The following CROCC variants were observed in gnomAD, a reference collection of about 807,000 sequenced individuals.
The protein encoded by CROCC is rootletin.
Under a neutral mutation model 245.2 loss-of-function variants are expected in CROCC, and 180 were observed. The ratio of observed to expected loss-of-function variants is 0.73; its 90% confidence interval spans 0.65 to 0.83. CROCC has a LOEUF of 0.83. Ranked by LOEUF, CROCC falls within the 40% of genes least tolerant of loss-of-function variation. The pLI is 0.00. For missense variants in CROCC, 2,688 were observed against 2,779.4 expected (o/e 0.97, Z 0.74); for synonymous variants, 1,205 against 1,241.6 (o/e 0.97, Z 0.62).
In CROCC at chr1:16,969,242, C is replaced by G. The variant is rs2076471336; in HGVS notation, c.5203C>G (p.Leu1735Val). ...RDKVRGLTEA[L>V]AQSSASLNST... ...CAAGGTGCGGGGCCTGACAGAGGCC[C>G]TGGCCCAGAGCAGTGCCAGCCTCAA... is the stretch of plus-strand genomic sequence containing the variant. The change falls in exon 32 of 37, where the codon CTG becomes GTG. Residue 1735 changes from leucine to valine, a missense_variant. Leu to Val is a conservative substitution (Grantham distance 32). Around this residue, in one of 9 missense-constraint regions of CROCC, gnomAD observed 1,218 missense variants for 1,286.3 expected, o/e 0.95. Coordinates refer to ENST00000375541, the MANE Select transcript of CROCC (RefSeq NM_014675.5). 7 of 1,613,382 alleles carry G rather than the reference C, an allele frequency of 4.3e-6. No homozygotes were observed. The Admixed American group carries it at 8.3e-5, about 19-fold the overall frequency.
intron 35 of CROCC, 92 bp from the exon 36 acceptor site, chr1:16,971,373 G>A (rs1041883867): frequency 7.0e-7 from 1 of 1,438,594 alleles, no homozygotes; most frequent in African/African-American, 1.4e-5. Flanking sequence ...CTCTGCACTG[G>A]CCGTGTCCCA....
rs199842653 is a variant in CROCC at position 16,972,489 on chromosome 1, G to C, written c.*43G>C. The C allele has an allele frequency of 2.1e-3, 3,043 of 1,462,846 alleles. 8 individuals carry two copies. The highest frequency in any genetic ancestry group is 5.5e-3 in the Middle Eastern group (30 of 5,444). The allele number at this position is 1,462,846 out of a possible 1,614,324, so 90.6% of individuals were successfully genotyped here. On this transcript the variant is annotated 3_prime_UTR_variant, in exon 37 of 37. Transcript: ENST00000375541. Reference sequence around the variant, plus strand: ...GAGAACACCCCTGTGCCTGGGACAGGGGAGGACCCTTCTTTTGGACAGCCC... The same window carrying C: ...GAGAACACCCCTGTGCCTGGGACAGCGGAGGACCCTTCTTTTGGACAGCCC...
rs1437923995 is a variant in CROCC at position 16,954,836 on chromosome 1, G to T, written c.3424G>T (p.Ala1142Ser). The change falls in exon 23 of 37, where the codon GCC becomes TCC. Residue 1142 changes from alanine (A) to serine (S), a missense_variant. By Grantham distance (99) the Ala-to-Ser change is moderately conservative. Transcript: ENST00000375541. This position sits in a 1 kb window ranked among gnomAD's most constrained non-coding sequence, Gnocchi z 4.4. ...GGAGGTGAGGAGGCTGCAAGAGCAG[G>T]CCCGAGACCTGGGCAAGCAGCGGGA... is the stretch of plus-strand genomic sequence containing the variant. ...AQEVRRLQEQ[A>S]RDLGKQRDSC... 7.1e-6 allele frequency: 11 copies of T among 1,546,920 alleles called. No homozygotes were observed. The highest frequency in any genetic ancestry group is 2.7e-5 in the African/African-American group (2 of 73,070).
chr1:16,918,565 G>A (rs189073900), upstream of CROCC, among the ~76,000 whole-genome samples: 22 of 152,300 alleles, frequency 1.4e-4, no homozygotes, highest in African/African-American at 4.1e-4. Context: ...CTGCTGAGCT[G>A]GGCATGCAGG....
chr1:16,921,743 T>C (rs1410032429), upstream of CROCC, among the ~76,000 whole-genome samples: 4 of 152,162 alleles, frequency 2.6e-5, no homozygotes, highest in African/African-American at 9.6e-5. Flanking sequence ...TTCTCTCTCC[T>C]CCCTCCTTTT....
intron 26 of CROCC, 101 bp from the exon 27 acceptor site, chr1:16,960,657 G>A: frequency 7.5e-7 from 1 of 1,341,536 alleles, no homozygotes; most frequent in Non-Finnish European, 9.6e-7. Context: ...GGGTTGTACT[G>A]ACCACACAGT....
At position 16,971,523 on chromosome 1, in the gene CROCC, AGCAGCAGCAGCTGGAGCT is replaced by A; in HGVS notation, c.5851_5868del (p.Gln1951_Gln1956del). On this transcript the variant is annotated inframe_deletion, in exon 36 of 37. Transcript: ENST00000375541. ...CCGGCCCAGCTGGAGGTGGATGCGCAGCAGCAGCAGCTGGAGCTGCAGCAGGAGGTGGAGCGGCTGCGC... is the reference window on the plus strand; with the variant it reads ...CCGGCCCAGCTGGAGGTGGATGCGCAGCAGCAGGAGGTGGAGCGGCTGCGC... The A allele has an allele frequency of 6.5e-7, 1 of 1,533,100 alleles. No homozygotes were observed. Among genetic ancestry groups the A allele is most frequent in the Non-Finnish European group, 8.7e-7 (1 of 1,144,086 alleles). 95.0% of individuals were successfully genotyped at this position (1,533,100 alleles called of 1,614,324 possible). A position where few individuals can be genotyped will look rare whatever the true frequency, so the allele number is the denominator to read the frequency against.
chr1:16,946,921 A>T lies in CROCC; in HGVS notation c.2444A>T (p.Gln815Leu). ...EGSLRVAEQA[Q>L]EALEQQLPTL... ...TCCCTACGAGTGGCGGAGCAGGCCC[A>T]GGAGGCATTGGAGCAGCAGCTCCCC... is the stretch of plus-strand genomic sequence containing the variant. Residue 815 changes from glutamine (Q) to leucine (L), a missense_variant, in exon 17 of 37, where the codon CAG becomes CTG. By Grantham distance (113) the Gln-to-Leu change is moderately radical. Coordinates refer to ENST00000375541, the MANE Select transcript of CROCC (RefSeq NM_014675.5). 1 of 1,563,844 alleles carries T rather than the reference A, an allele frequency of 6.4e-7. No homozygotes were observed. Among genetic ancestry groups the T allele is most frequent in the Non-Finnish European group, 8.7e-7 (1 of 1,154,710 alleles).
chr1:16,939,912 G>A lies in CROCC; in HGVS notation c.1627G>A (p.Glu543Lys). The A allele has an allele frequency of 6.2e-7, 1 of 1,612,388 alleles. No homozygotes were observed. Among genetic ancestry groups the A allele is most frequent in the Non-Finnish European group, 8.5e-7 (1 of 1,179,798 alleles). Reference sequence around the variant, plus strand: ...ACCCCAGGACATGCGTGGGCGCTATGAGGCAAGCCAGGACCTACTGGGCAC... The same window carrying A: ...ACCCCAGGACATGCGTGGGCGCTATAAGGCAAGCCAGGACCTACTGGGCAC... ...LQVQDMRGRY[E>K]ASQDLLGTLR... The change falls in exon 13 of 37, where the codon GAG becomes AAG. Residue 543 changes from glutamate (E) to lysine (K), a missense_variant. Transcript: ENST00000375541.
chr1:16,919,875 C>T (rs1480492168), upstream of CROCC, among the ~76,000 whole-genome samples: 3 of 152,244 alleles, frequency 2.0e-5, no homozygotes, highest in East Asian at 1.9e-4. Flanking sequence ...TCACCACACT[C>T]GGTCTAGTCT....
intron 30 of CROCC, among the ~76,000 whole-genome samples, chr1:16,967,372 A>G (rs1397714123): frequency 6.6e-6 from 1 of 152,022 alleles, no homozygotes; most frequent in Non-Finnish European, 1.5e-5. Context: ...CTGTCCCTCT[A>G]TTACTGCTTC....
upstream of CROCC, among the ~76,000 whole-genome samples, chr1:16,919,096 T>C (rs2075350529): frequency 1.3e-5 from 2 of 152,296 alleles, no homozygotes; most frequent in Non-Finnish European, 2.9e-5. Flanking sequence ...GCAACATTTA[T>C]CTTTTCAGAC....
intron 16 of CROCC, 80 bp downstream of exon 16, chr1:16,946,485 T>C (rs140471996): frequency 0.042 from 63,402 of 1,526,418 alleles, 1 homozygote; most frequent in Middle Eastern, 0.059. Context: ...CCCAGCCCTG[T>C]ACCTGTCTTG....
At position 16,972,637 on chromosome 1, in the gene CROCC, G is replaced by T; in HGVS notation, c.*191G>T. ...CTGGAGAGGCTTCCCAGCAACACCT[G>T]CAGTCCAGCCCCCCTCTTCTAGGAT... On this transcript the variant is annotated 3_prime_UTR_variant, in exon 37 of 37. Transcript: ENST00000375541. 1.9e-6 allele frequency: 1 copy of T among 524,950 alleles called. No individual in the cohort carries two copies. Among genetic ancestry groups the T allele is most frequent in the Non-Finnish European group, 3.4e-6 (1 of 296,486 alleles). The allele number at this position is 524,950 out of a possible 1,614,324, so 32.5% of individuals were successfully genotyped here.
At position 16,954,783 on chromosome 1, in the gene CROCC, GGGA is replaced by G; in HGVS notation, c.3377_3379del (p.Glu1126del). Reference sequence around the variant, plus strand: ...GAGCTGCGGGACCTACGGGCCCAGCGGGAGGAGGCTGCTGCGGCCCACGCCCAG... The same window carrying G: ...GAGCTGCGGGACCTACGGGCCCAGCGGGAGGCTGCTGCGGCCCACGCCCAG... On this transcript the variant is annotated inframe_deletion, in exon 23 of 37. Transcript: ENST00000375541. The surrounding 1 kb of genome is among the most constrained non-coding windows in gnomAD (Gnocchi z 4.4). 1 of 1,554,402 alleles carries G rather than the reference GGGA, an allele frequency of 6.4e-7. No homozygotes were observed. The highest frequency in any genetic ancestry group is 8.7e-7 in the Non-Finnish European group (1 of 1,149,366).
Position 16,966,509 on chromosome 1 carries a change from G to C in CROCC, c.4798G>C (p.Asp1600His). 6.5e-7 allele frequency: 1 copy of C among 1,529,010 alleles called. No individual in the cohort carries two copies. Among genetic ancestry groups the C allele is most frequent in the Non-Finnish European group, 8.8e-7 (1 of 1,142,328 alleles). 94.7% of individuals were successfully genotyped at this position (1,529,010 alleles called of 1,614,324 possible). A position where few individuals can be genotyped will look rare whatever the true frequency, so the allele number is the denominator to read the frequency against. ...TGAGCGGGAGCGCCGGGCCACGCTGGACCAGGTGGCCACACTGGAGAGGAG... is the reference window on the plus strand; with the variant it reads ...TGAGCGGGAGCGCCGGGCCACGCTGCACCAGGTGGCCACACTGGAGAGGAG... ...RSERERRATL[D>H]QVATLERSLQ... Residue 1600 changes from aspartate to histidine, a missense_variant, in exon 30 of 37, where the codon GAC (aspartate) becomes CAC (histidine). Physicochemically the swap from Asp to His is moderately conservative, Grantham distance 81. Coordinates refer to ENST00000375541, the MANE Select transcript of CROCC (RefSeq NM_014675.5). The surrounding 1 kb of genome is among the most constrained non-coding windows in gnomAD (Gnocchi z 4.8).
In CROCC at chr1:16,936,875, T is replaced by TAC. The variant is rs751334027; in HGVS notation, c.1193+2_1193+3insAC. The TAC allele has an allele frequency of 1.3e-5, 21 of 1,608,032 alleles. No homozygotes were observed. Among genetic ancestry groups the TAC allele is most frequent in the Non-Finnish European group, 1.6e-5 (19 of 1,176,758 alleles). On this transcript the variant is annotated splice_region_variant and intron_variant, in intron 9 of 36. Coordinates refer to ENST00000375541, the MANE Select transcript of CROCC (RefSeq NM_014675.5). Reference sequence around the variant, plus strand: ...GGACAAGGCTGACCTCAGTGCCAGGTGGGTACCTGGTGGATGCCGCACGAG... The same window carrying TAC: ...GGACAAGGCTGACCTCAGTGCCAGGTACGGGTACCTGGTGGATGCCGCACGAG...
Position 16,930,165 on chromosome 1 carries a change from G to A in CROCC, c.579G>A (p.Gln193=), listed in dbSNP as rs1213714854. The change falls in exon 5 of 37, where the codon CAG becomes CAA. Residue 193 remains glutamine (Q), a synonymous_variant. Coordinates refer to ENST00000375541, the MANE Select transcript of CROCC (RefSeq NM_014675.5). ...AGAGGTGCTCGGAGCTGGAGCAGCA[G>A]CTGCTGGAGAGATCCGGAGAGCTGG... is the stretch of plus-strand genomic sequence containing the variant. The part of the protein sequence containing the change: ...YKKRCSELEQ[Q]LLERSGELEQ... The A allele has an allele frequency of 1.4e-5, 23 of 1,594,140 alleles. No individual in the cohort carries two copies. The highest frequency in any genetic ancestry group is 1.8e-5 in the Non-Finnish European group (21 of 1,170,858).
rs200470742 is a variant in CROCC at position 16,922,675 on chromosome 1, A to G, written c.73A>G (p.Ser25Gly). ...GCTTTTCCCACAGACACTGGAGAGCAGCGTCCTGTGCCAGGAGAAAGGCTT... is the reference window on the plus strand; with the variant it reads ...GCTTTTCCCACAGACACTGGAGAGCGGCGTCCTGTGCCAGGAGAAAGGCTT... ...LETVIQTLES[S>G]VLCQEKGLGA... Residue 25 changes from serine (S) to glycine (G), a missense_variant, in exon 2 of 37, where the codon AGC (serine) becomes GGC (glycine). Coordinates refer to ENST00000375541, the MANE Select transcript of CROCC (RefSeq NM_014675.5). 7.9e-5 allele frequency: 128 copies of G among 1,610,612 alleles called. No individual in the cohort carries two copies. The East Asian group carries it at 2.5e-3, about 31-fold the overall frequency.
Sources: allele counts gnomAD v4.1 joint callset (sites outside exome capture counted in the v4.1 genomes callset), GRCh38; gene constraint gnomAD v4.1.1; regional missense constraint gnomAD v4.1.1; non-coding constraint Gnocchi (gnomAD v3.1); transcripts MANE v1.5; gene names NCBI Gene and HGNC (gene_info 2026-07-23, HGNC 2026-07-21).